Variants in PPIL6 observed in about 807,000 individuals in gnomAD.
PPIL6 encodes peptidylprolyl isomerase like 6.
In PPIL6, 39 loss-of-function variants were observed where a neutral mutation model predicts 36.8. That is an observed-to-expected ratio of 1.06 (90% CI 0.82 to 1.38). The LOEUF is 1.38. Among genes scored for constraint, PPIL6 ranks in the 40% most tolerant of loss-of-function variants. The probability of loss-of-function intolerance (pLI) is 0.00; values close to 1 mark genes in which losing one functional copy is unlikely to be tolerated. For missense variants in PPIL6, 368 were observed against 379.1 expected, an observed-to-expected ratio of 0.97 and a Z score of 0.24; for synonymous variants, 123 against 134.1, an observed-to-expected ratio of 0.92 and a Z score of 0.57.
At chr6:109,440,309 C>T in intron 1 of PPIL6, 147 bp downstream of exon 1, 2 of 1,051,620 alleles carry the variant, frequency 1.9e-6, no homozygotes, top group Non-Finnish European at 2.8e-6. Context: ...CCAGACGGAG[C>T]CCGCCCGGCC....
intron 1 of PPIL6, among the ~76,000 whole-genome samples, chr6:109,438,029 C>A (rs1774551786): frequency 1.3e-5 from 2 of 152,062 alleles, no homozygotes; most frequent in South Asian, 4.1e-4. Flanking sequence ...AAATTTCAAT[C>A]TTTTGTGTGT....
At chr6:109,431,778 A>G (rs1023806996) in intron 2 of PPIL6, among the ~76,000 whole-genome samples, 1 of 152,258 alleles carries the variant, frequency 6.6e-6, no homozygotes, top group Admixed American at 6.5e-5. Context: ...GTTCAACAAC[A>G]TATAGCCAAT....
chr6:109,408,350 T>A (rs1477626957), intron 6 of PPIL6, among the ~76,000 whole-genome samples: 1 of 152,208 alleles, frequency 6.6e-6, no homozygotes, highest in East Asian at 1.9e-4. Context: ...TCCAATAATG[T>A]TAGGAAAATA....
In PPIL6 at chr6:109,419,414, C is replaced by G. The variant is rs551012379; in HGVS notation, c.632-171G>C. Among the ~76,000 whole-genome samples, 402 of 148,432 alleles carry G rather than the reference C, an allele frequency of 2.7e-3. 1 individual carries two copies. Among genetic ancestry groups the G allele is most frequent in the African/African-American group, 9.6e-3 (386 of 40,072 alleles). On this transcript the variant is annotated intron_variant, in intron 5 of 7. Transcript: ENST00000521072. The stretch of plus-strand genomic sequence containing the variant: ...TGGGCAACATAATGAGACTCCATCT[C>G]GATTAAAAAAAAAAAAAAGAGGAAT...
intron 2 of PPIL6, among the ~76,000 whole-genome samples, chr6:109,432,377 A>G (rs1774204912): frequency 6.6e-6 from 1 of 152,156 alleles, no homozygotes; most frequent in East Asian, 1.9e-4. Flanking sequence ...CACAACGCTG[A>G]TGGTAAACCT....
At chr6:109,436,859 T>C (rs1180461516) in intron 1 of PPIL6, among the ~76,000 whole-genome samples, 1 of 152,200 alleles carries the variant, frequency 6.6e-6, no homozygotes, top group Non-Finnish European at 1.5e-5. Context: ...GCCAATAGCT[T>C]TGTGATATGC....
chr6:109,435,532 A>G (rs6907769), intron 2 of PPIL6, among the ~76,000 whole-genome samples: 29,237 of 152,024 alleles, frequency 0.19, 4,779 homozygotes, highest in African/African-American at 0.44. Flanking sequence ...TCCTGACCTC[A>G]TGATCGGCCT....
At chr6:109,439,101 G>A (rs571838364) in intron 1 of PPIL6, among the ~76,000 whole-genome samples, 1 of 151,768 alleles carries the variant, frequency 6.6e-6, no homozygotes, top group Non-Finnish European at 1.5e-5. Context: ...GGACTTTACA[G>A]AAAAAAACTT....
intron 1 of PPIL6, chr6:109,440,036 G>T (rs1774716150): frequency 3.3e-5 from 9 of 273,924 alleles, no homozygotes; most frequent in South Asian, 2.3e-4. Flanking sequence ...AACAAAAATC[G>T]CTTGGGCCGA....
intron 6 of PPIL6, among the ~76,000 whole-genome samples, chr6:109,414,669 G>A (rs890719780): frequency 1.3e-5 from 2 of 151,558 alleles, no homozygotes; most frequent in Non-Finnish European, 2.9e-5. Context: ...ATTTTTTGTA[G>A]AGATGGGGTT....
At chr6:109,432,399 G>A (rs780211044) in intron 2 of PPIL6, among the ~76,000 whole-genome samples, 5 of 152,006 alleles carry the variant, frequency 3.3e-5, no homozygotes, top group South Asian at 2.1e-4. Flanking sequence ...CTAAATCTCC[G>A]GTGGGCTTGA....
At chr6:109,403,845 C>A (rs1005682420) in intron 6 of PPIL6, among the ~76,000 whole-genome samples, 4 of 152,128 alleles carry the variant, frequency 2.6e-5, no homozygotes, top group Admixed American at 6.6e-5. Context: ...TTCTGCATCT[C>A]ATGGAAGTAG....
At chr6:109,420,332 CAAAAAAAAAAAAAAA>C (rs564751735) in intron 5 of PPIL6, among the ~76,000 whole-genome samples, 3 of 50,952 alleles carry the variant, frequency 5.9e-5, no homozygotes, top group South Asian at 7.6e-4. Context: ...GACTCCATCT[CAAAAAAAAAAAAAAA>C]AAAAAAAAAA....
Position 109,396,310 on chromosome 6 carries a change from C to T in PPIL6, c.825-3373G>A, listed in dbSNP as rs78014945. 3.6e-3 allele frequency among the ~76,000 whole-genome samples: 548 copies of T among 152,206 alleles called. 3 individuals are homozygous for T. The highest frequency in any genetic ancestry group is 0.012 in the African/African-American group (519 of 41,538). Reference sequence around the variant, plus strand: ...CTTCAAAATGAGAAGCTGGTTATGTCGCTCACAATGTAAAATTCTCCCATG... The same window carrying T: ...CTTCAAAATGAGAAGCTGGTTATGTTGCTCACAATGTAAAATTCTCCCATG... On this transcript the variant is annotated intron_variant, in intron 7 of 7. Coordinates refer to ENST00000521072, the MANE Select transcript of PPIL6 (RefSeq NM_173672.5).
At chr6:109,436,445 C>T (rs1300408151) in intron 1 of PPIL6, among the ~76,000 whole-genome samples, 1 of 152,164 alleles carries the variant, frequency 6.6e-6, no homozygotes, top group Non-Finnish European at 1.5e-5. Flanking sequence ...AGGCTGGGCG[C>T]AGTGGCTCAC....
intron 6 of PPIL6, among the ~76,000 whole-genome samples, chr6:109,407,148 A>G (rs9480948): frequency 0.32 from 48,885 of 152,072 alleles, 7,898 homozygotes; most frequent in Middle Eastern, 0.41. Flanking sequence ...GGTTGTGGCC[A>G]TTGTTTATAG....
In PPIL6 at chr6:109,426,952, C is replaced by T. The variant is rs747973649; in HGVS notation, c.526G>A (p.Val176Ile). 3 of 1,607,970 alleles carry T rather than the reference C, an allele frequency of 1.9e-6. No individual in the cohort carries two copies. The South Asian group carries it at 3.3e-5, about 18-fold the overall frequency. ...AACCCTGCTTTTCCTGTGCACAAGA[C>T]CTGAAAATTTTTACATGTTTTGGGA... Reference protein sequence around the residue: ...VCPKTCKNFQVLCTGKAGFSQ... With the variant: ...VCPKTCKNFQILCTGKAGFSQ... Residue 176 changes from valine to isoleucine, a missense_variant, in exon 5 of 8, where the codon GTC becomes ATC. Transcript: ENST00000521072.
At position 109,426,919 on chromosome 6, in the gene PPIL6, G is replaced by A. The variant is rs200190838; in HGVS notation, c.559C>T (p.Arg187Cys). ...TTTTTGTAATGTAGTCTTATGCCAC[G>A]TTGAGAAAACCCTGCTTTTCCTGTG... ...LCTGKAGFSQ[R>C]GIRLHYKNSI... The change falls in exon 5 of 8, where the codon CGT becomes TGT. Residue 187 changes from arginine to cysteine, a missense_variant. Arg to Cys is a radical substitution (Grantham distance 180). Coordinates refer to ENST00000521072, the MANE Select transcript of PPIL6 (RefSeq NM_173672.5). 290 of 1,607,410 alleles carry A rather than the reference G, an allele frequency of 1.8e-4. 2 individuals carry two copies. The South Asian group carries it at 2.5e-3, about 14-fold the overall frequency.
intron 7 of PPIL6, among the ~76,000 whole-genome samples, chr6:109,399,482 T>C (rs1403431108): frequency 1.3e-5 from 2 of 152,086 alleles, no homozygotes; most frequent in Non-Finnish European, 2.9e-5. Context: ...CTTGGCTCAC[T>C]GCAACCACCT....
Sources: gnomAD v4.1 joint callset for allele counts (sites outside exome capture counted in the v4.1 genomes callset) on GRCh38, gnomAD v4.1.1 for gene constraint, MANE v1.5 for transcripts, NCBI Gene and HGNC (gene_info 2026-07-23, HGNC 2026-07-21) for gene names.